Variants in GHITM observed in about 807,000 individuals in gnomAD.
GHITM encodes growth hormone inducible transmembrane protein, also known as growth hormone-inducible transmembrane protein.
GHITM carries 24 observed loss-of-function variants against 38.7 expected under a neutral mutation model. The observed-to-expected ratio is 0.62, with a 90% confidence interval of 0.45 to 0.87. The LOEUF is 0.87. GHITM is among the 40% of genes least tolerant of loss of function. The pLI is 0.00. For synonymous variants in GHITM, 154 were observed against 147.8 expected (o/e 1.04, Z -0.30); for missense variants, 420 against 429.8 (o/e 0.98, Z 0.20).
chr10:84,151,728 T>C (rs1301971796), intron 8 of GHITM, among the ~76,000 whole-genome samples: 1 of 152,144 alleles, frequency 6.6e-6, no homozygotes, highest in African/African-American at 2.4e-5. Flanking sequence ...AGTGGGTTAT[T>C]TTATTTAAAC....
chr10:84,148,619 A>G, intron 5 of GHITM, 111 bp from the exon 6 acceptor site: 1 of 700,116 alleles, frequency 1.4e-6, no homozygotes, highest in Non-Finnish European at 2.5e-6. Context: ...TATTATCTTT[A>G]ATATTTTTAC....
Position 84,150,134 on chromosome 10 carries a change from C to T in GHITM, c.672C>T (p.Gly224=). Reference sequence around the variant, plus strand: ...TCAGAGCTGCATGGTACACAGCTGGCATTGTGGGAGGCCTCTCCACTGTGG... The same window carrying T: ...TCAGAGCTGCATGGTACACAGCTGGTATTGTGGGAGGCCTCTCCACTGTGG... ...LLIRAAWYTA[G]IVGGLSTVAM... The change falls in exon 7 of 9, where the codon GGC becomes GGT. Residue 224 remains glycine (G), a synonymous_variant. Transcript: ENST00000372134. 1 of 1,613,892 alleles carries T rather than the reference C, an allele frequency of 6.2e-7. No individual in the cohort carries two copies. Among genetic ancestry groups the T allele is most frequent in the Non-Finnish European group, 8.5e-7 (1 of 1,179,810 alleles).
chr10:84,148,867 C>A, intron 6 of GHITM, 29 bp downstream of exon 6: 1 of 1,348,300 alleles, frequency 7.4e-7, no homozygotes, highest in Non-Finnish European at 1.1e-6. Flanking sequence ...TGTTACGAGA[C>A]AACCTTGACT....
chr10:84,148,355 C>A (rs1284471872), intron 5 of GHITM, among the ~76,000 whole-genome samples: 1 of 152,124 alleles, frequency 6.6e-6, no homozygotes, highest in Admixed American at 6.5e-5. Flanking sequence ...TGCAGTGGCA[C>A]GATCTTGCCT....
In GHITM at chr10:84,153,303, T is replaced by C. The variant is rs999695992; in HGVS notation, c.*955T>C. ...TCTTTGTGGCTTACACTGGAAATTA[T>C]GAAAGCAGTTTTTCTCCTAAGACTT... is the stretch of plus-strand genomic sequence containing the variant. On this transcript the variant is annotated 3_prime_UTR_variant, in exon 9 of 9. Transcript: ENST00000372134. 1.3e-5 allele frequency: 2 copies of C among 152,246 alleles called. No individual in the cohort carries two copies. The highest frequency in any genetic ancestry group is 2.9e-5 in the Non-Finnish European group (2 of 68,038). The allele number at this position is 152,246 out of a possible 1,614,324, so 9.4% of individuals were successfully genotyped here.
chr10:84,145,924 A>G (rs1212570911), intron 5 of GHITM, among the ~76,000 whole-genome samples: 1 of 152,206 alleles, frequency 6.6e-6, no homozygotes, highest in African/African-American at 2.4e-5. Context: ...GGCCAGGTGC[A>G]GTGGCTCACA....
At chr10:84,149,761 T>C (rs1841593083) in intron 6 of GHITM, among the ~76,000 whole-genome samples, 1 of 152,218 alleles carries the variant, frequency 6.6e-6, no homozygotes, top group Non-Finnish European at 1.5e-5. Flanking sequence ...TAGAAACTAG[T>C]GGTAAGCTCA....
intron 6 of GHITM, among the ~76,000 whole-genome samples, chr10:84,149,346 A>G (rs372190498): frequency 1.8e-4 from 27 of 152,366 alleles, no homozygotes; most frequent in East Asian, 1.3e-3. Context: ...TTAACCATAT[A>G]ACTTGATCTA....
intron 3 of GHITM, among the ~76,000 whole-genome samples, chr10:84,143,766 G>A (rs1005056084): frequency 1.3e-5 from 2 of 152,168 alleles, no homozygotes; most frequent in Non-Finnish European, 2.9e-5. Context: ...GAGGGAGGTT[G>A]AAGATTCACC....
intron 1 of GHITM, 104 bp downstream of exon 1, chr10:84,139,697 C>G (rs1841485891): frequency 6.6e-6 from 1 of 152,484 alleles, no homozygotes; most frequent in African/African-American, 2.4e-5. Context: ...AGCAGCGGTG[C>G]TGCTGGCTGC....
At chr10:84,149,183 A>C (rs73315847) in intron 6 of GHITM, among the ~76,000 whole-genome samples, 15,777 of 152,212 alleles carry the variant, frequency 0.1, 1,752 homozygotes, top group African/African-American at 0.28. Context: ...AAAACTGAGG[A>C]TAGAGAAAGT....
chr10:84,148,102 T>C (rs1187659532), intron 5 of GHITM, among the ~76,000 whole-genome samples: 1 of 152,140 alleles, frequency 6.6e-6, no homozygotes, highest in Non-Finnish European at 1.5e-5. Context: ...TTGTTTCACC[T>C]CTGTCCAACA....
At chr10:84,151,813 G>T (rs754539467) in intron 8 of GHITM, among the ~76,000 whole-genome samples, 2 of 152,074 alleles carry the variant, frequency 1.3e-5, no homozygotes, top group African/African-American at 2.4e-5. Flanking sequence ...AAAACTTAAT[G>T]TAATGGTTTA....
chr10:84,142,469 T>A (rs999322249), intron 2 of GHITM, among the ~76,000 whole-genome samples, 186 bp from the exon 3 acceptor site: 4 of 152,212 alleles, frequency 2.6e-5, no homozygotes, highest in Non-Finnish European at 5.9e-5. Flanking sequence ...AGGTCTACAT[T>A]TATTTATTTA....
intron 5 of GHITM, 124 bp from the exon 6 acceptor site, chr10:84,148,606 A>G (rs1306610235): frequency 3.0e-6 from 2 of 670,402 alleles, no homozygotes; most frequent in East Asian, 2.8e-5. Flanking sequence ...TTAAGCTTTG[A>G]TTTATTATCT....
chr10:84,150,662 G>A lies in GHITM; in HGVS notation c.782-47G>A, dbSNP rs184570506. The A allele has an allele frequency of 8.0e-4, 1,177 of 1,467,152 alleles. 1 individual carries two copies. Among genetic ancestry groups the A allele is most frequent in the Non-Finnish European group, 9.3e-4 (993 of 1,072,010 alleles). 90.9% of individuals were successfully genotyped at this position (1,467,152 alleles called of 1,614,324 possible). On this transcript the variant is annotated intron_variant, in intron 7 of 8. Transcript: ENST00000372134. ...AATATAAATCATAAACTCAGTTATC[G>A]GAAATCCTTTTTTAAAAAAAATCTT...
intron 2 of GHITM, among the ~76,000 whole-genome samples, chr10:84,142,421 A>G (rs543338191): frequency 1.4e-4 from 22 of 152,358 alleles, no homozygotes; most frequent in African/African-American, 5.3e-4. Flanking sequence ...TAAGAATAAT[A>G]TAATGAATTA....
At chr10:84,145,049 CTAAAGATCAAAAGAT>C in intron 5 of GHITM, 33 bp downstream of exon 5, 1 of 1,549,262 alleles carries the variant, frequency 6.5e-7, no homozygotes, top group South Asian at 1.2e-5. Flanking sequence ...CCTTTTTCAT[CTAAAGATCAAAAGAT>C]TAGATAAAAT....
chr10:84,145,745 G>A (rs897011349), intron 5 of GHITM, among the ~76,000 whole-genome samples: 1 of 152,196 alleles, frequency 6.6e-6, no homozygotes, highest in Non-Finnish European at 1.5e-5. Flanking sequence ...CCTGCTATTT[G>A]GTAGAAGAGA....
Sources: gnomAD v4.1 joint callset for allele counts (sites outside exome capture counted in the v4.1 genomes callset) on GRCh38, gnomAD v4.1.1 for gene constraint, MANE v1.5 for transcripts, NCBI Gene and HGNC (gene_info 2026-07-23, HGNC 2026-07-21) for gene names.